Variants in ASAP1 observed in about 807,000 individuals in gnomAD.
The protein encoded by ASAP1 is ArfGAP with SH3 domain, ankyrin repeat and PH domain 1, also known as arf-GAP with SH3 domain, ANK repeat and PH domain-containing protein 1.
A neutral mutation model predicts 145.2 loss-of-function variants in ASAP1; 43 were observed. That is an observed-to-expected ratio of 0.30 (90% CI 0.23 to 0.38). ASAP1 has a LOEUF of 0.38. Ranked by LOEUF, ASAP1 falls within the 10% of genes least tolerant of loss-of-function variation. ASAP1 has a pLI of 1.00. For missense variants in ASAP1, 1,018 were observed against 1,355.3 expected (o/e 0.75, Z 3.91); for synonymous variants, 546 against 515.5 (o/e 1.06, Z -0.80).
At chr8:130,260,747 G>A (rs1196737318) in intron 3 of ASAP1, among the ~76,000 whole-genome samples, 1 of 152,106 alleles carries the variant, frequency 6.6e-6, no homozygotes, top group East Asian at 1.9e-4. Context: ...CTGTCTCTAT[G>A]TGCCGAACCA....
At chr8:130,350,065 G>C (rs929857009) in intron 3 of ASAP1, among the ~76,000 whole-genome samples, 1 of 152,166 alleles carries the variant, frequency 6.6e-6, no homozygotes, top group Non-Finnish European at 1.5e-5. Context: ...CACCACAAAT[G>C]GCTTCTAATG....
At chr8:130,222,889 A>T (rs7002892) in intron 4 of ASAP1, among the ~76,000 whole-genome samples, 93,522 of 152,012 alleles carry the variant, frequency 0.62, 30,653 homozygotes, top group African/African-American at 0.86. Flanking sequence ...TGTACTTGGT[A>T]AAGTGCAGGA....
chr8:130,270,699 T>C (rs780736834), intron 3 of ASAP1, among the ~76,000 whole-genome samples: 1 of 152,208 alleles, frequency 6.6e-6, no homozygotes, highest in African/African-American at 2.4e-5. Flanking sequence ...AAACAAAATC[T>C]ATCCTAAACA....
intron 1 of ASAP1, among the ~76,000 whole-genome samples, chr8:130,403,267 G>A (rs1828876844): frequency 6.6e-6 from 1 of 150,560 alleles, no homozygotes; most frequent in Admixed American, 6.6e-5. Flanking sequence ...TCTCATAAAT[G>A]TCAAAAATGG....
Position 130,118,615 on chromosome 8 carries a change from G to C in ASAP1, c.1668C>G (p.Thr556=), listed in dbSNP as rs552307444. Residue 556 remains threonine, a synonymous_variant, in exon 19 of 30, where the codon ACC becomes ACG. Coordinates refer to ENST00000518721, the MANE Select transcript of ASAP1 (RefSeq NM_018482.4). ...KYVDHRFSRK[T]CSTSSAKLNE... is the part of the protein sequence containing the mutation. The stretch of plus-strand genomic sequence containing the variant: ...TTAGTTTAGCTGATGAAGTTGAACA[G>C]GTCTTCCTTGAAAACCTATGATCTA... 1.2e-6 allele frequency: 2 copies of C among 1,613,872 alleles called. No homozygotes were observed. The highest frequency in any genetic ancestry group is 2.7e-5 in the African/African-American group (2 of 75,034).
intron 24 of ASAP1, among the ~76,000 whole-genome samples, chr8:130,100,450 C>T (rs767273610): frequency 1.1e-4 from 16 of 152,026 alleles, no homozygotes; most frequent in Admixed American, 5.2e-4. Context: ...CTGCCTCAGC[C>T]TCCCGAGTAG....
chr8:130,327,764 A>C (rs900359602), intron 3 of ASAP1, among the ~76,000 whole-genome samples: 4 of 152,182 alleles, frequency 2.6e-5, no homozygotes, highest in Admixed American at 6.5e-5. Flanking sequence ...GAAAATGAGG[A>C]GTGACTCTGA....
chr8:130,368,956 TGGGTTCC>T (rs1206701189), intron 2 of ASAP1, among the ~76,000 whole-genome samples: 9 of 152,224 alleles, frequency 5.9e-5, no homozygotes, highest in Non-Finnish European at 1.5e-5. Flanking sequence ...AATCTTTTCC[TGGGTTCC>T]AGTACCATCT....
chr8:130,247,315 T>C (rs1477819648), intron 3 of ASAP1, among the ~76,000 whole-genome samples: 2 of 152,196 alleles, frequency 1.3e-5, no homozygotes, highest in Non-Finnish European at 2.9e-5. Flanking sequence ...TATCATCTTA[T>C]ATAATCAACA....
intron 3 of ASAP1, among the ~76,000 whole-genome samples, chr8:130,265,417 T>A (rs902902234): frequency 2.0e-5 from 3 of 150,856 alleles, no homozygotes; most frequent in East Asian, 2.0e-4. Flanking sequence ...CTAAAATTTT[T>A]AAAAAAGTAA....
chr8:130,095,396 G>A (rs1358687471), intron 24 of ASAP1, among the ~76,000 whole-genome samples: 1 of 148,394 alleles, frequency 6.7e-6, no homozygotes, highest in Non-Finnish European at 1.5e-5. Context: ...CCCCTCCTGG[G>A]TTCAAGTGAT....
intron 5 of ASAP1, among the ~76,000 whole-genome samples, chr8:130,204,555 C>G (rs1432859818): frequency 6.6e-6 from 1 of 152,154 alleles, no homozygotes; most frequent in African/African-American, 2.4e-5. Flanking sequence ...TCTCCTGCAG[C>G]TCCTGCTCCC....
chr8:130,173,914 A>G (rs1813767119), intron 9 of ASAP1, among the ~76,000 whole-genome samples: 1 of 147,932 alleles, frequency 6.8e-6, no homozygotes, highest in Non-Finnish European at 1.5e-5. Flanking sequence ...CTCTACTAAA[A>G]AAAAAAGAAA....
At position 130,349,673 on chromosome 8, in the gene ASAP1, C is replaced by A. The variant is rs150872970; in HGVS notation, c.186+8344G>T. ...AGAGAGCAGTCCTACCTATCTAACT[C>A]TCCATGAAGGAATGCTTCTAGCCTC... On this transcript the variant is annotated intron_variant, in intron 3 of 29. Coordinates refer to ENST00000518721, the MANE Select transcript of ASAP1 (RefSeq NM_018482.4). Among the ~76,000 whole-genome samples the A allele has an allele frequency of 1.6e-3, 237 of 152,320 alleles. 1 individual carries two copies. Among genetic ancestry groups the A allele is most frequent in the Non-Finnish European group, 2.8e-3 (192 of 68,024 alleles).
At chr8:130,331,931 G>A (rs567187719) in intron 3 of ASAP1, among the ~76,000 whole-genome samples, 4 of 152,166 alleles carry the variant, frequency 2.6e-5, no homozygotes, top group African/African-American at 9.7e-5. Context: ...ATATTTCTGT[G>A]TGAAGTCTCG....
chr8:130,187,402 CT>C, intron 6 of ASAP1, 117 bp from the exon 7 acceptor site: 2 of 804,938 alleles, frequency 2.5e-6, no homozygotes, highest in Non-Finnish European at 4.0e-6. Flanking sequence ...GGGAACTTCA[CT>C]TTATGCACGT....
intron 3 of ASAP1, among the ~76,000 whole-genome samples, chr8:130,323,190 T>C (rs1824117821): frequency 2.0e-5 from 3 of 152,206 alleles, no homozygotes; most frequent in African/African-American, 7.2e-5. Context: ...CATCACCATG[T>C]TCCTGGGGAG....
In ASAP1 at chr8:130,072,793, A is replaced by ATGTG. The variant is rs1206526066; in HGVS notation, c.2701+3551_2701+3554dup. 5.5e-4 allele frequency among the ~76,000 whole-genome samples: 56 copies of ATGTG among 102,628 alleles called. 3 individuals carry two copies. Among genetic ancestry groups the ATGTG allele is most frequent in the African/African-American group, 1.2e-3 (35 of 28,508 alleles). 67.3% of individuals were successfully genotyped at this position (102,628 alleles called of 152,430 possible). ...CTGAAGGCCTGGACTTGCAATTGAT[A>ATGTG]TGTGTGTGTGTGTGTGTGTGTGTGT... is the stretch of plus-strand genomic sequence containing the variant. On this transcript the variant is annotated intron_variant, in intron 27 of 29. Coordinates refer to ENST00000518721, the MANE Select transcript of ASAP1 (RefSeq NM_018482.4).
Position 130,060,584 on chromosome 8 carries a change from T to C in ASAP1, c.3187A>G (p.Asn1063Asp), listed in dbSNP as rs1387771776. ...CTGAACATTGTCCCACCCACCGTAT[T>C]GATTTTTCTGGGCAGTGGTACGGGC... Reference protein sequence around the residue: ...ETPVPLPRKINTGKNKVRRVK... With the variant: ...ETPVPLPRKIDTGKNKVRRVK... Residue 1063 changes from asparagine (N) to aspartate (D), a missense_variant, in exon 28 of 30, where the codon AAT becomes GAT. Transcript: ENST00000518721. 6.2e-7 allele frequency: 1 copy of C among 1,609,036 alleles called. No individual in the cohort carries two copies.
Sources: gnomAD v4.1 joint callset for allele counts (sites outside exome capture counted in the v4.1 genomes callset) on GRCh38, gnomAD v4.1.1 for gene constraint, MANE v1.5 for transcripts, NCBI Gene and HGNC (gene_info 2026-07-23, HGNC 2026-07-21) for gene names.